MBD5: variants seen among roughly 807,000 people sequenced by gnomAD.
MBD5 encodes methyl-CpG binding domain protein 5.
In MBD5, 13 loss-of-function variants were observed where a neutral mutation model predicts 117.3. That is an observed-to-expected ratio of 0.11 (90% CI 0.07 to 0.18). MBD5 has a LOEUF of 0.18. Ranked by LOEUF, MBD5 falls within the 10% of genes least tolerant of loss-of-function variation. The probability of loss-of-function intolerance (pLI) is 1.00; values close to 1 mark genes in which losing one functional copy is unlikely to be tolerated. For missense variants in MBD5, 1,879 were observed against 2,093.8 expected, an observed-to-expected ratio of 0.90 and a Z score of 2.00; for synonymous variants, 727 against 766.4, an observed-to-expected ratio of 0.95 and a Z score of 0.85.
chr2:148,316,465 A>T (rs13397712), intron 3 of MBD5, among the ~76,000 whole-genome samples: 1,913 of 152,270 alleles, frequency 0.013, 40 homozygotes, highest in African/African-American at 0.043. Flanking sequence ...ATGCAATCTC[A>T]TATCCTCAGC....
Position 148,429,674 on chromosome 2 carries a change from A to T in MBD5, c.-556-28529A>T, listed in dbSNP as rs992600800. Reference sequence around the variant, plus strand: ...TGGAATGCTATGCAGCCATGAAAAAAGATGAGTTCATGTCCTTTGCAGGGA... The same window carrying T: ...TGGAATGCTATGCAGCCATGAAAAATGATGAGTTCATGTCCTTTGCAGGGA... On this transcript the variant is annotated intron_variant, in intron 4 of 13. Coordinates refer to ENST00000642680, the MANE Select transcript of MBD5 (RefSeq NM_001378120.1). Among the ~76,000 whole-genome samples the T allele has an allele frequency of 4.6e-5, 7 of 152,254 alleles. No homozygotes were observed. The South Asian group carries it at 1.5e-3, about 32-fold the overall frequency.
At chr2:148,368,600 A>AC (rs1703769387) in intron 4 of MBD5, among the ~76,000 whole-genome samples, 1 of 152,226 alleles carries the variant, frequency 6.6e-6, no homozygotes, top group East Asian at 1.9e-4. Context: ...CTGAAGCAGT[A>AC]CTAAGGCGGT....
At chr2:148,455,809 A>G (rs554003736) in intron 4 of MBD5, among the ~76,000 whole-genome samples, 23 of 152,148 alleles carry the variant, frequency 1.5e-4, no homozygotes, top group Non-Finnish European at 3.1e-4. Flanking sequence ...GAAAATGGGA[A>G]TGGGCCCAGT....
chr2:148,144,278 A>G (rs1236964355), intron 1 of MBD5, among the ~76,000 whole-genome samples: 3 of 150,920 alleles, frequency 2.0e-5, no homozygotes, highest in Non-Finnish European at 3.0e-5. Context: ...TCCTTTGCCC[A>G]CTTGTTGATG....
intron 11 of MBD5, among the ~76,000 whole-genome samples, chr2:148,494,021 C>T (rs762944694): frequency 3.3e-5 from 5 of 152,092 alleles, no homozygotes; most frequent in Non-Finnish European, 7.4e-5. Context: ...CAAAGAGATG[C>T]CTTAAGAATT....
intron 4 of MBD5, among the ~76,000 whole-genome samples, chr2:148,394,946 A>G (rs944421096): frequency 1.3e-5 from 2 of 152,254 alleles, no homozygotes; most frequent in African/African-American, 4.8e-5. Flanking sequence ...TTTGAGGCCA[A>G]CCATTTCCAA....
At chr2:148,491,267 T>C (rs1265622831) in intron 11 of MBD5, among the ~76,000 whole-genome samples, 1 of 151,698 alleles carries the variant, frequency 6.6e-6, no homozygotes, top group Admixed American at 6.6e-5. Context: ...ACCGTTCAAT[T>C]TAAAAGAAAT....
At chr2:148,327,770 C>G (rs28773905) in intron 3 of MBD5, among the ~76,000 whole-genome samples, 23,070 of 152,040 alleles carry the variant, frequency 0.15, 2,080 homozygotes, top group Non-Finnish European at 0.18. Context: ...TTTTCAACTC[C>G]TTTGCCTTTG....
At chr2:148,371,967 G>A (rs1424542271) in intron 4 of MBD5, among the ~76,000 whole-genome samples, 1 of 152,062 alleles carries the variant, frequency 6.6e-6, no homozygotes, top group Non-Finnish European at 1.5e-5. Flanking sequence ...AAATACTGTG[G>A]TTGAGCTAAA....
At chr2:148,278,139 C>G (rs1701158353) in intron 3 of MBD5, among the ~76,000 whole-genome samples, 1 of 152,184 alleles carries the variant, frequency 6.6e-6, no homozygotes, top group Non-Finnish European at 1.5e-5. Context: ...CATAATTACA[C>G]CATATGTAGC....
intron 3 of MBD5, among the ~76,000 whole-genome samples, chr2:148,308,891 C>G (rs1164753725): frequency 6.6e-6 from 1 of 152,138 alleles, no homozygotes; most frequent in Non-Finnish European, 1.5e-5. Context: ...GTTTTCCTAA[C>G]AACATTTATT....
chr2:148,124,285 A>G (rs1696836962), intron 1 of MBD5, among the ~76,000 whole-genome samples: 1 of 151,768 alleles, frequency 6.6e-6, no homozygotes, highest in African/African-American at 2.4e-5. Context: ...TTGAAAAAAC[A>G]AACAACCAAA....
rs60650324 is a variant in MBD5 at position 148,308,491 on chromosome 2, C to CTT, written c.-679-33697_-679-33696dup. On this transcript the variant is annotated intron_variant, in intron 3 of 13. Transcript: ENST00000642680. Reference sequence around the variant, plus strand: ...CTCCCACTTTTTGATGGGGTTCTTTCTTTTTTTTTTTTTTTTTTTTTTTTT... The same window carrying CTT: ...CTCCCACTTTTTGATGGGGTTCTTTCTTTTTTTTTTTTTTTTTTTTTTTTTTT... 5.0e-3 allele frequency among the ~76,000 whole-genome samples: 333 copies of CTT among 66,786 alleles called. 11 individuals are homozygous for CTT. Among genetic ancestry groups the CTT allele is most frequent in the African/African-American group, 0.015 (312 of 20,252 alleles). 43.8% of individuals were successfully genotyped at this position (66,786 alleles called of 152,430 possible).
chr2:148,167,368 T>C (rs1187957809), intron 1 of MBD5, among the ~76,000 whole-genome samples: 1 of 152,146 alleles, frequency 6.6e-6, no homozygotes, highest in African/African-American at 2.4e-5. Context: ...GAGAATGTCT[T>C]CTAAGAAGAC....
chr2:148,211,062 A>G (rs1699411571), intron 2 of MBD5, among the ~76,000 whole-genome samples: 1 of 152,212 alleles, frequency 6.6e-6, no homozygotes, highest in South Asian at 2.1e-4. Context: ...GTGAATCAGC[A>G]AACCAATTTA....
intron 2 of MBD5, among the ~76,000 whole-genome samples, chr2:148,209,557 G>T (rs972330487): frequency 1.3e-5 from 2 of 151,374 alleles, no homozygotes; most frequent in South Asian, 4.2e-4. Context: ...CCAGTGTAAG[G>T]CACTTTGTTA....
At chr2:148,222,191 G>T (rs1699703070) in intron 2 of MBD5, among the ~76,000 whole-genome samples, 1 of 152,070 alleles carries the variant, frequency 6.6e-6, no homozygotes, top group Non-Finnish European at 1.5e-5. Context: ...GTCAGGTAAT[G>T]TGATTTTCTC....
intron 4 of MBD5, among the ~76,000 whole-genome samples, chr2:148,358,239 C>T (rs975412772): frequency 4.6e-5 from 7 of 151,976 alleles, no homozygotes; most frequent in Admixed American, 1.3e-4. Context: ...TGCCATTTTA[C>T]AAAGATCACT....
At chr2:148,156,208 AC>A (rs1439014108) in intron 1 of MBD5, among the ~76,000 whole-genome samples, 2 of 152,208 alleles carry the variant, frequency 1.3e-5, no homozygotes, top group African/African-American at 2.4e-5. Flanking sequence ...CAGAATTAAA[AC>A]CGACCAATGA....
Sources: gnomAD v4.1 joint callset for allele counts (sites outside exome capture counted in the v4.1 genomes callset) on GRCh38, gnomAD v4.1.1 for gene constraint, MANE v1.5 for transcripts, NCBI Gene and HGNC (gene_info 2026-07-23, HGNC 2026-07-21) for gene names.